The following C5orf22 variants were observed in gnomAD, a reference collection of about 807,000 sequenced individuals.
C5orf22 encodes the protein chromosome 5 open reading frame 22, also known as UPF0489 protein C5orf22.
Under a neutral mutation model 48.7 loss-of-function variants are expected in C5orf22, and 36 were observed. The ratio of observed to expected loss-of-function variants is 0.74; its 90% CI spans 0.57 to 0.98. The LOEUF is 0.98. Ranked by LOEUF, C5orf22 falls within the 50% of genes least tolerant of loss-of-function variation. The pLI, the probability that C5orf22 is intolerant of heterozygous loss-of-function variation, is 0.00. For missense variants in C5orf22, 486 were observed against 521.9 expected (o/e 0.93, Z 0.67); for synonymous variants, 141 against 180.8 (o/e 0.78, Z 1.76).
At chr5:31,535,312 GC>G (rs1742008180) in intron 2 of C5orf22, among the ~76,000 whole-genome samples, 1 of 152,178 alleles carries the variant, frequency 6.6e-6, no homozygotes, top group Admixed American at 6.5e-5. Flanking sequence ...TAGCAGGAGA[GC>G]TTTCTGTGCA....
At position 31,532,955 on chromosome 5, in the gene C5orf22, C is replaced by CT. The variant is rs796602934; in HGVS notation, c.81+492dup. ...TTGTGTGCATACTGTGTTTAAAAAT[C>CT]TTTTTTTTTTCTTTTTTGAGACGGA... On this transcript the variant is annotated intron_variant, in intron 1 of 8. Transcript: ENST00000325366. Among the ~76,000 whole-genome samples, 1,212 of 149,688 alleles carry CT rather than the reference C, an allele frequency of 8.1e-3. 21 individuals carry two copies. The highest frequency in any genetic ancestry group is 0.025 in the African/African-American group (1,022 of 40,756).
rs567965415 is a variant in C5orf22, at chr5:31,535,826, G to A, written c.310G>A (p.Ala104Thr). Residue 104 changes from alanine (A) to threonine (T), a missense_variant, in exon 3 of 9, where the codon GCT (alanine) becomes ACT (threonine). Transcript: ENST00000325366. ...SHVIWFHPTW[A>T]QQIREGRHHF... ...TGTAATATGGTTTCATCCCACATGG[G>A]CTCAGCAGATCAGAGAGGGCAGACA... 6.2e-7 allele frequency: 1 copy of A among 1,613,474 alleles called. No individual in the cohort carries two copies. The highest frequency in any genetic ancestry group is 1.3e-5 in the African/African-American group (1 of 75,010).
At chr5:31,547,366 C>T (rs544738009) in intron 7 of C5orf22, among the ~76,000 whole-genome samples, 2 of 152,358 alleles carry the variant, frequency 1.3e-5, no homozygotes, top group South Asian at 4.1e-4. Context: ...GTCAGTGGAT[C>T]TACCATTCTG....
chr5:31,541,257 C>T (rs1438734969), intron 5 of C5orf22, 24 bp from the exon 6 acceptor site: 17 of 1,602,898 alleles, frequency 1.1e-5, no homozygotes, highest in Non-Finnish European at 1.4e-5. Context: ...ACTATATAAT[C>T]TCAGCTTTTC....
At chr5:31,544,520 C>T (rs1436510136) in intron 6 of C5orf22, among the ~76,000 whole-genome samples, 1 of 151,696 alleles carries the variant, frequency 6.6e-6, no homozygotes, top group Non-Finnish European at 1.5e-5. Context: ...GAAGGCGGAG[C>T]TTGCAGTGAG....
At chr5:31,544,691 C>T (rs552418749) in intron 6 of C5orf22, among the ~76,000 whole-genome samples, 6 of 152,258 alleles carry the variant, frequency 3.9e-5, no homozygotes, top group African/African-American at 1.4e-4. Flanking sequence ...AATCCCAACA[C>T]TTGGGAGGCT....
rs1192788517 is a variant in C5orf22 at position 31,552,675 on chromosome 5, AT to A, written c.1200-95del. ...TTAATCCAAAGTTCAGCACACCTTA[AT>A]TTCTGTTTTACATTGAAATGAACAC... On this transcript the variant is annotated intron_variant, in intron 8 of 8. Transcript: ENST00000325366. 1.5e-5 allele frequency: 16 copies of A among 1,101,368 alleles called. No homozygotes were observed. The African/African-American group carries it at 1.9e-4, about 13-fold the overall frequency. The allele number at this position is 1,101,368 out of a possible 1,614,324, so 68.2% of individuals were successfully genotyped here. A position where few individuals can be genotyped will look rare whatever the true frequency, so the allele number is the denominator to read the frequency against.
In C5orf22 at chr5:31,533,910, GA is replaced by G. The variant is rs1166123853; in HGVS notation, c.82-354del. On this transcript the variant is annotated intron_variant, in intron 1 of 8. Transcript: ENST00000325366. Reference sequence around the variant, plus strand: ...GACAAGCCCCTATCCCTTTTTAAAGGAAAAAAAAGAATACTTTGAGACCTAG... The same window carrying G: ...GACAAGCCCCTATCCCTTTTTAAAGGAAAAAAAGAATACTTTGAGACCTAG... Among the ~76,000 whole-genome samples, 4 of 151,580 alleles carry G rather than the reference GA, an allele frequency of 2.6e-5. No individual in the cohort carries two copies. The South Asian group carries it at 6.3e-4, about 24-fold the overall frequency.
intron 6 of C5orf22, 72 bp from the exon 7 acceptor site, chr5:31,545,574 T>C: frequency 1.0e-6 from 1 of 971,426 alleles, no homozygotes; most frequent in Non-Finnish European, 1.7e-6. Flanking sequence ...GTTAGTATAA[T>C]GTATAATTTG....
At chr5:31,544,884 A>G (rs917946535) in intron 6 of C5orf22, among the ~76,000 whole-genome samples, 6 of 152,058 alleles carry the variant, frequency 3.9e-5, no homozygotes, top group African/African-American at 1.4e-4. Context: ...GCAGTGAGCC[A>G]TGATCACACC....
Position 31,551,394 on chromosome 5 carries a change from G to A in C5orf22, c.1161G>A (p.Leu387=), listed in dbSNP as rs759422421. 33 of 1,612,964 alleles carry A rather than the reference G, an allele frequency of 2.0e-5. No homozygotes were observed. The South Asian group carries it at 3.6e-4, about 18-fold the overall frequency. The change falls in exon 8 of 9, where the codon CTG becomes CTA. Residue 387 remains leucine, a synonymous_variant. Transcript: ENST00000325366. ...ECLIQSVHYL[L]KNLPNPTLVT... The stretch of plus-strand genomic sequence containing the variant: ...TTATTCAATCTGTGCATTATTTGCT[G>A]AAAAATTTACCAAATCCTACTCTTG...
chr5:31,548,927 A>G (rs1190620821), intron 7 of C5orf22, among the ~76,000 whole-genome samples: 1 of 152,182 alleles, frequency 6.6e-6, no homozygotes, highest in African/African-American at 2.4e-5. Flanking sequence ...TTTTAAAACC[A>G]TCAGATCTCC....
At chr5:31,550,667 G>C (rs776550910) in intron 7 of C5orf22, among the ~76,000 whole-genome samples, 3 of 152,036 alleles carry the variant, frequency 2.0e-5, no homozygotes, top group Non-Finnish European at 4.4e-5. Flanking sequence ...CCGTGTTCAA[G>C]TGATTCTCCT....
chr5:31,545,546 C>A, intron 6 of C5orf22, 100 bp from the exon 7 acceptor site: 1 of 789,372 alleles, frequency 1.3e-6, no homozygotes, highest in Non-Finnish European at 2.2e-6. Context: ...CCATATGAAG[C>A]ATGTTATTAT....
chr5:31,552,993 G>C lies in C5orf22; in HGVS notation c.*91G>C. On this transcript the variant is annotated 3_prime_UTR_variant, in exon 9 of 9. Coordinates refer to ENST00000325366, the MANE Select transcript of C5orf22 (RefSeq NM_018356.3). ...GTACATGAGTCTTCCAGAGAACACT[G>C]TTTTATATTAACTTTCAGTTGAAAT... 5.4e-6 allele frequency: 6 copies of C among 1,107,338 alleles called. No individual in the cohort carries two copies. Among genetic ancestry groups the C allele is most frequent in the Admixed American group, 2.3e-5 (1 of 43,224 alleles). The allele number at this position is 1,107,338 out of a possible 1,614,324, so 68.6% of individuals were successfully genotyped here.
At position 31,547,884 on chromosome 5, in the gene C5orf22, C is replaced by T. The variant is rs1030009731; in HGVS notation, c.1059+2172C>T. ...TTGTCTTGGGGATTAACATTTGGCT[C>T]CTCGTTACTTATGCAAATTTCTGCA... is the stretch of plus-strand genomic sequence containing the variant. On this transcript the variant is annotated intron_variant, in intron 7 of 8. Transcript: ENST00000325366. 6.6e-5 allele frequency among the ~76,000 whole-genome samples: 10 copies of T among 152,320 alleles called. No individual in the cohort carries two copies. In the East Asian group the frequency reaches 1.4e-3, roughly 21 times the overall value.
intron 3 of C5orf22, 104 bp from the exon 4 acceptor site, chr5:31,538,156 C>T: frequency 1.2e-6 from 1 of 803,616 alleles, no homozygotes; most frequent in Non-Finnish European, 2.0e-6. Flanking sequence ...AGACTGCTCT[C>T]AGTTTTTGTC....
chr5:31,544,021 C>T (rs1287714351), intron 6 of C5orf22, among the ~76,000 whole-genome samples: 1 of 152,140 alleles, frequency 6.6e-6, no homozygotes, highest in Non-Finnish European at 1.5e-5. Flanking sequence ...CCAACCATGA[C>T]CCTAAAGAGC....
intron 3 of C5orf22, among the ~76,000 whole-genome samples, chr5:31,536,258 C>T (rs1207935403): frequency 1.3e-5 from 2 of 152,162 alleles, no homozygotes; most frequent in African/African-American, 2.4e-5. Context: ...CAGTGGCTCA[C>T]GCCTGTAATC....
Sources: allele counts gnomAD v4.1 joint callset (sites outside exome capture counted in the v4.1 genomes callset), GRCh38; gene constraint gnomAD v4.1.1; transcripts MANE v1.5; gene names NCBI Gene and HGNC (gene_info 2026-07-23, HGNC 2026-07-21).